The following PCNX3 variants were observed in gnomAD, a reference collection of about 807,000 sequenced individuals.
The protein encoded by PCNX3 is pecanex 3, also known as pecanex-like protein 3.
Under a neutral mutation model 207.2 loss-of-function variants are expected in PCNX3, and 58 were observed. The ratio of observed to expected loss-of-function variants is 0.28; its 90% CI spans 0.23 to 0.35. The LOEUF (loss-of-function observed/expected upper bound fraction) is 0.35. Ranked by LOEUF, PCNX3 falls within the 10% of genes least tolerant of loss-of-function variation. The probability of loss-of-function intolerance (pLI) is 1.00; values close to 1 mark genes in which losing one functional copy is unlikely to be tolerated. For missense variants in PCNX3, 2,410 were observed against 2,774.4 expected (o/e 0.87, Z 2.95); for synonymous variants, 1,337 against 1,183.5 (o/e 1.13, Z -2.66).
At position 65,619,645 on chromosome 11, in the gene PCNX3, T is replaced by C. The variant is rs747774235; in HGVS notation, c.1814T>C (p.Met605Thr). Residue 605 changes from methionine to threonine, a missense_variant, in exon 7 of 35, where the codon ATG becomes ACG. By Grantham distance (81) the Met-to-Thr change is moderately conservative. Around this residue, in one of 8 missense-constraint regions of PCNX3, gnomAD observed 1,104 missense variants for 970.3 expected, o/e 1.14. Transcript: ENST00000355703. ...AACCCCACCCCTCCAGCCTCTGTCATGGGCTCGCCGCCCAGGTGAGCACCT... is the reference window on the plus strand; with the variant it reads ...AACCCCACCCCTCCAGCCTCTGTCACGGGCTCGCCGCCCAGGTGAGCACCT... ...GSNPTPPASV[M>T]GSPPSSLQEA... 20 of 1,599,928 alleles carry C rather than the reference T, an allele frequency of 1.3e-5. No homozygotes were observed. The highest frequency in any genetic ancestry group is 1.7e-5 in the Non-Finnish European group (20 of 1,177,878).
Position 65,625,176 on chromosome 11 carries a change from G to T in PCNX3, c.2925G>T (p.Pro975=). ...YGFCLGAIKT[P]WPEQHVPVLF... ...AGCATGGATTCTCTCCGCAGACTCCGTGGCCAGAGCAGCACGTCCCTGTCC... is the reference window on the plus strand; with the variant it reads ...AGCATGGATTCTCTCCGCAGACTCCTTGGCCAGAGCAGCACGTCCCTGTCC... Residue 975 remains proline (P), a synonymous_variant, in exon 17 of 35, where the codon CCG becomes CCT. Coordinates refer to ENST00000355703, the MANE Select transcript of PCNX3 (RefSeq NM_032223.4). The surrounding 1 kb of genome is among the most constrained non-coding windows in gnomAD (Gnocchi z 5.6). 2 of 1,606,264 alleles carry T rather than the reference G, an allele frequency of 1.2e-6. No individual in the cohort carries two copies.
chr11:65,619,987 C>CT (rs1854997289), intron 8 of PCNX3, 55 bp downstream of exon 8: 1 of 1,517,750 alleles, frequency 6.6e-7, no homozygotes, highest in African/African-American at 1.4e-5. Flanking sequence ...CCCCAACAGC[C>CT]TGAGTCCTCC....
In PCNX3 at chr11:65,617,349, G is replaced by T; in HGVS notation, c.441G>T (p.Ser147=). The T allele has an allele frequency of 6.2e-7, 1 of 1,613,180 alleles. No homozygotes were observed. The highest frequency in any genetic ancestry group is 1.1e-5 in the South Asian group (1 of 90,912). The change falls in exon 3 of 35, where the codon TCG becomes TCT. Residue 147 remains serine, a splice_region_variant and synonymous_variant. Coordinates refer to ENST00000355703, the MANE Select transcript of PCNX3 (RefSeq NM_032223.4). ...CTGTGTTTGGCTTCAACCAGGTCTCGGTGAGTGGGCCTGGACCTCAGCTTG... is the reference window on the plus strand; with the variant it reads ...CTGTGTTTGGCTTCAACCAGGTCTCTGTGAGTGGGCCTGGACCTCAGCTTG... The part of the protein sequence containing the change: ...QHSVFGFNQV[S]ELLPRMEDSG...
At chr11:65,619,290 C>A in intron 6 of PCNX3, 1 of 402,136 alleles carries the variant, frequency 2.5e-6, no homozygotes, top group Non-Finnish European at 3.4e-6. Context: ...AGTCTCTGTC[C>A]CCTGAGGACT....
In PCNX3 at chr11:65,634,975, T is replaced by A; in HGVS notation, c.4808T>A (p.Leu1603Gln). 6.2e-7 allele frequency: 1 copy of A among 1,612,454 alleles called. No homozygotes were observed. Among genetic ancestry groups the A allele is most frequent in the Non-Finnish European group, 8.5e-7 (1 of 1,178,802 alleles). The change falls in exon 30 of 35, where the codon CTG becomes CAG. Residue 1603 changes from leucine to glutamine, a missense_variant and splice_region_variant. Physicochemically the swap from Leu to Gln is moderately radical, Grantham distance 113 (BLOSUM62 -2). Around this residue, in one of 8 missense-constraint regions of PCNX3, gnomAD observed 420 missense variants for 705.3 expected, o/e 0.60. Transcript: ENST00000355703. ...GTASHSMSASLEPFLYGLHAL... is the reference protein window; with the variant it reads ...GTASHSMSASQEPFLYGLHAL... ...TCCCTGTTTTTCCTCCCACTTAGCC[T>A]GGAGCCCTTCCTCTACGGCCTGCAC...
rs1855435022 is a variant in PCNX3 at position 65,627,147 on chromosome 11, T to G, written c.3524+99T>G. On this transcript the variant is annotated intron_variant, in intron 21 of 34. Transcript: ENST00000355703. ...AGAGGGAATGAATCATGTCTAAGGT[T>G]GTTTAGCAAGCTAAAGCAGGACCCC... is the stretch of plus-strand genomic sequence containing the variant. The G allele has an allele frequency of 2.9e-5, 41 of 1,420,676 alleles. No homozygotes were observed. In the South Asian group the frequency reaches 5.1e-4, roughly 18 times the overall value. The allele number at this position is 1,420,676 out of a possible 1,614,324, so 88.0% of individuals were successfully genotyped here. A position where few individuals can be genotyped will look rare whatever the true frequency, so the allele number is the denominator to read the frequency against.
At chr11:65,628,527 C>A in intron 22 of PCNX3, 68 bp from the exon 23 acceptor site, 1 of 1,460,870 alleles carries the variant, frequency 6.8e-7, no homozygotes, top group Non-Finnish European at 9.5e-7. Flanking sequence ...CTGAATGGGG[C>A]CTGGCATCCG....
In PCNX3 at chr11:65,626,995, C is replaced by T; in HGVS notation, c.3471C>T (p.Ala1157=). 1.9e-6 allele frequency: 3 copies of T among 1,551,818 alleles called. No homozygotes were observed. The highest frequency in any genetic ancestry group is 1.4e-5 in the African/African-American group (1 of 73,146). Residue 1157 remains alanine (A), a synonymous_variant, in exon 21 of 35, where the codon GCC becomes GCT. Coordinates refer to ENST00000355703, the MANE Select transcript of PCNX3 (RefSeq NM_032223.4). ...TCTACCCCGCCGTGGTGCTCAACGC[C>T]CTCACGGTGGACGCCCACACAGTCG... ...YLIYPAVVLN[A]LTVDAHTVVS...
chr11:65,623,874 C>T, intron 12 of PCNX3, 55 bp from the exon 13 acceptor site: 1 of 1,611,496 alleles, frequency 6.2e-7, no homozygotes. Context: ...TCTGGGGCCT[C>T]TGACCATCCC....
rs1854906903 is a variant in PCNX3 at position 65,618,828 on chromosome 11, A to G, written c.1466A>G (p.Gln489Arg). Residue 489 changes from glutamine (Q) to arginine (R), a missense_variant, in exon 6 of 35, where the codon CAG becomes CGG. Physicochemically the swap from Gln to Arg is conservative, Grantham distance 43. Coordinates refer to ENST00000355703, the MANE Select transcript of PCNX3 (RefSeq NM_032223.4). ...CCCCCCAAGCGGCCATATGGGACCC[A>G]GCGGACGCCTAGTACCGCCAGCGCT... ...AVPPKRPYGTQRTPSTASAKT... is the reference protein window; with the variant it reads ...AVPPKRPYGTRRTPSTASAKT... 6.2e-7 allele frequency: 1 copy of G among 1,611,554 alleles called. No individual in the cohort carries two copies. The highest frequency in any genetic ancestry group is 8.5e-7 in the Non-Finnish European group (1 of 1,179,368).
At chr11:65,617,743 G>T (rs770035994) in intron 5 of PCNX3, 37 bp downstream of exon 5, 16 of 1,546,622 alleles carry the variant, frequency 1.0e-5, no homozygotes, top group Non-Finnish European at 1.3e-5. Context: ...TTGTGGGCTA[G>T]ACCAGCTGTT....
chr11:65,624,731 C>A (rs1042684935), intron 15 of PCNX3, 150 bp downstream of exon 15: 3 of 934,676 alleles, frequency 3.2e-6, no homozygotes, highest in Non-Finnish European at 4.8e-6. Flanking sequence ...CTCCTTCCCT[C>A]CCCAGGCAAG....
intron 6 of PCNX3, chr11:65,619,316 C>T: frequency 1.9e-6 from 1 of 531,952 alleles, no homozygotes; most frequent in Non-Finnish European, 2.4e-6. Flanking sequence ...CATCCACACT[C>T]ATCCTCCCAC....
At position 65,616,165 on chromosome 11, in the gene PCNX3, GGC is replaced by G. The variant is rs1854714795; in HGVS notation, c.-146_-145del. 13 of 519,950 alleles carry G rather than the reference GGC, an allele frequency of 2.5e-5. No individual in the cohort carries two copies. Among genetic ancestry groups the G allele is most frequent in the Non-Finnish European group, 3.9e-5 (13 of 335,596 alleles). 32.2% of individuals were successfully genotyped at this position (519,950 alleles called of 1,614,324 possible). A position where few individuals can be genotyped will look rare whatever the true frequency, so the allele number is the denominator to read the frequency against. Reference sequence around the variant, plus strand: ...CCGCCCCCTGCTCGCACCCTCGCGCGGCCGAGCCCCCCTCCCCCGCTGGGGGA... The same window carrying G: ...CCGCCCCCTGCTCGCACCCTCGCGCGCGAGCCCCCCTCCCCCGCTGGGGGA... On this transcript the variant is annotated 5_prime_UTR_variant, in exon 1 of 35. Coordinates refer to ENST00000355703, the MANE Select transcript of PCNX3 (RefSeq NM_032223.4).
At position 65,635,440 on chromosome 11, in the gene PCNX3, G is replaced by A; in HGVS notation, c.5176G>A (p.Val1726Ile). Residue 1726 changes from valine (V) to isoleucine (I), a missense_variant, in exon 31 of 35, where the codon GTC (valine) becomes ATC (isoleucine). This residue lies in a region of PCNX3 where 420 missense variants were observed against 705.3 expected (regional missense o/e 0.60). Transcript: ENST00000355703. The surrounding 1 kb of genome is among the most constrained non-coding windows in gnomAD (Gnocchi z 9.9). The stretch of plus-strand genomic sequence containing the variant: ...CAACCGGCGCCACCTCAGCTTCCGA[G>A]TCATCAAGGTTGGGCCGGCCCCACC... Reference protein sequence around the residue: ...MLNRRHLSFRVIKVNRECVRG... With the variant: ...MLNRRHLSFRIIKVNRECVRG... The A allele has an allele frequency of 6.2e-7, 1 of 1,610,496 alleles. No individual in the cohort carries two copies. The highest frequency in any genetic ancestry group is 8.5e-7 in the Non-Finnish European group (1 of 1,179,364).
At chr11:65,623,998 C>A in intron 13 of PCNX3, 37 bp downstream of exon 13, 1 of 1,608,200 alleles carries the variant, frequency 6.2e-7, no homozygotes, top group South Asian at 1.1e-5. Flanking sequence ...GGCCAGGAGG[C>A]CCCGGGAGGG....
chr11:65,629,391 G>A lies in PCNX3; in HGVS notation c.3976G>A (p.Val1326Ile). Reference protein sequence around the residue: ...KRVDHSNTRLVTQLDRNPGAD... With the variant: ...KRVDHSNTRLITQLDRNPGAD... ...TGTGGATCATTCCAACACCCGCCTG[G>A]TCACACAGCTGGACAGGAACCCTGG... Residue 1326 changes from valine to isoleucine, a missense_variant, in exon 25 of 35, where the codon GTC becomes ATC. Coordinates refer to ENST00000355703, the MANE Select transcript of PCNX3 (RefSeq NM_032223.4). 1 of 1,612,150 alleles carries A rather than the reference G, an allele frequency of 6.2e-7. No individual in the cohort carries two copies. Among genetic ancestry groups the A allele is most frequent in the Non-Finnish European group, 8.5e-7 (1 of 1,179,122 alleles).
chr11:65,632,773 C>T (rs1429164437), intron 27 of PCNX3, among the ~76,000 whole-genome samples: 1 of 150,638 alleles, frequency 6.6e-6, no homozygotes, highest in Non-Finnish European at 1.5e-5. Context: ...GAAACAAGGT[C>T]TCATTCTGTC....
chr11:65,616,386 G>C lies in PCNX3; in HGVS notation c.75G>C (p.Pro25=), dbSNP rs773512658. ...TCACCGGCGGTTGGTTCTTCGACCC[G>C]CACCAGAGCACCTTCTCCAACTGCT... The part of the protein sequence containing the change: ...ASLTGGWFFD[P]HQSTFSNCFH... The change falls in exon 1 of 35, where the codon CCG becomes CCC. Residue 25 remains proline (P), a synonymous_variant. Transcript: ENST00000355703. 1 of 1,609,372 alleles carries C rather than the reference G, an allele frequency of 6.2e-7. No individual in the cohort carries two copies. Among genetic ancestry groups the C allele is most frequent in the Non-Finnish European group, 8.5e-7 (1 of 1,178,776 alleles).
Sources: gnomAD v4.1 joint callset for allele counts (sites outside exome capture counted in the v4.1 genomes callset) on GRCh38, gnomAD v4.1.1 for gene constraint, gnomAD v4.1.1 regional missense constraint, Gnocchi (gnomAD v3.1) non-coding constraint, MANE v1.5 for transcripts, NCBI Gene and HGNC (gene_info 2026-07-23, HGNC 2026-07-21) for gene names.